The following SRL variants were observed in gnomAD, a reference collection of about 807,000 sequenced individuals.
The protein encoded by SRL is sarcalumenin.
In SRL, 23 loss-of-function variants were observed where a neutral mutation model predicts 39.5. The observed-to-expected ratio is 0.58, with a 90% CI of 0.42 to 0.82. The LOEUF (loss-of-function observed/expected upper bound fraction) is 0.82, where lower values mean the gene tolerates loss of function less well. SRL is among the 40% of genes least tolerant of loss of function. The probability of loss-of-function intolerance (pLI) is 0.00; values close to 1 mark genes in which losing one functional copy is unlikely to be tolerated. For missense variants in SRL, 592 were observed against 607.8 expected, an observed-to-expected ratio of 0.97 and a Z score of 0.27; for synonymous variants, 272 against 237.4, an observed-to-expected ratio of 1.15 and a Z score of -1.34.
At chr16:4,207,040 C>T (rs527672233) in intron 1 of SRL, 18 of 452,610 alleles carry the variant, frequency 4.0e-5, no homozygotes, top group African/African-American at 2.0e-4. Flanking sequence ...TGGGACTCCT[C>T]GGCTTCCTGC....
intron 1 of SRL, among the ~76,000 whole-genome samples, chr16:4,229,390 C>A (rs1456061507): frequency 2.0e-5 from 3 of 151,942 alleles, no homozygotes; most frequent in African/African-American, 7.3e-5. Context: ...GCGGAGCTTG[C>A]AGTGAGCCAA....
intron 3 of SRL, among the ~76,000 whole-genome samples, chr16:4,199,695 T>TC (rs1567175614): frequency 1.5e-5 from 2 of 133,968 alleles, no homozygotes; most frequent in Non-Finnish European, 3.2e-5. Context: ...TTCTTTTCCT[T>TC]TTTTTTTTTT....
At chr16:4,203,886 C>T (rs1044451574) in intron 2 of SRL, among the ~76,000 whole-genome samples, 2 of 152,232 alleles carry the variant, frequency 1.3e-5, no homozygotes, top group Non-Finnish European at 2.9e-5. Context: ...AGAACAGCAC[C>T]CTGGCCCTGG....
At chr16:4,213,998 T>C (rs879647610) in intron 1 of SRL, among the ~76,000 whole-genome samples, 4 of 152,158 alleles carry the variant, frequency 2.6e-5, no homozygotes, top group African/African-American at 4.8e-5. Flanking sequence ...GCTGAGCTGT[T>C]CAAGCCCAGA....
rs1215626871 is a variant in SRL at position 4,192,603 on chromosome 16, G to A, written c.972C>T (p.Asn324=). 6 of 1,614,172 alleles carry A rather than the reference G, an allele frequency of 3.7e-6. No individual in the cohort carries two copies. The highest frequency in any genetic ancestry group is 2.2e-5 in the South Asian group (2 of 91,082). ...TGAAGGCAATCTTGTTCTCCAGTCTGTTCTCGATCACCTGATTCAGGTCTT... is the reference window on the plus strand; with the variant it reads ...TGAAGGCAATCTTGTTCTCCAGTCTATTCTCGATCACCTGATTCAGGTCTT... ...LLEDLNQVIE[N]RLENKIAFIR... Residue 324 remains asparagine, a synonymous_variant, in exon 6 of 6, where the codon AAC becomes AAT. Transcript: ENST00000399609. The surrounding 1 kb of genome is among the most constrained non-coding windows in gnomAD (Gnocchi z 4.0).
At chr16:4,202,462 A>G (rs7201495) in intron 3 of SRL, among the ~76,000 whole-genome samples, 29,828 of 151,898 alleles carry the variant, frequency 0.2, 3,497 homozygotes, top group African/African-American at 0.32. Context: ...GCGTGGTGGC[A>G]GGTGCCTGTA....
intron 1 of SRL, among the ~76,000 whole-genome samples, chr16:4,220,309 A>ACACACACACACACACACAC (rs1567185106): frequency 3.3e-5 from 5 of 151,134 alleles, no homozygotes; most frequent in South Asian, 2.1e-4. Context: ...ACACACACAC[A>ACACACACACACACACACAC]AATAACCGGG....
At chr16:4,219,876 A>G (rs144430223) in intron 1 of SRL, among the ~76,000 whole-genome samples, 2 of 152,026 alleles carry the variant, frequency 1.3e-5, no homozygotes, top group African/African-American at 2.4e-5. Context: ...CATCACCACC[A>G]AGAGACAAAG....
chr16:4,224,608 G>T (rs1299920834), intron 1 of SRL, among the ~76,000 whole-genome samples: 1 of 152,122 alleles, frequency 6.6e-6, no homozygotes, highest in Non-Finnish European at 1.5e-5. Flanking sequence ...CTACTCAGGA[G>T]GCTGAGGCGG....
At chr16:4,217,669 C>A (rs946194384) in intron 1 of SRL, among the ~76,000 whole-genome samples, 3 of 152,224 alleles carry the variant, frequency 2.0e-5, no homozygotes, top group Admixed American at 2.0e-4. Flanking sequence ...ATGTAGATAA[C>A]AATACCTGCT....
At chr16:4,199,677 ATCT>A (rs1189194107) in intron 3 of SRL, among the ~76,000 whole-genome samples, 4 of 125,794 alleles carry the variant, frequency 3.2e-5, no homozygotes, top group African/African-American at 1.3e-4. Context: ...GCCCCTCCCC[ATCT>A]TCTTTTCTTT....
intron 1 of SRL, among the ~76,000 whole-genome samples, chr16:4,204,896 A>C (rs1200234172): frequency 6.6e-6 from 1 of 152,208 alleles, no homozygotes; most frequent in Admixed American, 6.5e-5. Context: ...TCATATATTC[A>C]ACAAATATGC....
intron 1 of SRL, among the ~76,000 whole-genome samples, chr16:4,221,987 T>C (rs1452678281): frequency 4.6e-5 from 7 of 152,184 alleles, no homozygotes; most frequent in African/African-American, 1.7e-4. Context: ...CTTAACTAAC[T>C]ACATCTGCAA....
At chr16:4,218,441 A>G (rs1458045744) in intron 1 of SRL, among the ~76,000 whole-genome samples, 1 of 152,152 alleles carries the variant, frequency 6.6e-6, no homozygotes, top group African/African-American at 2.4e-5. Context: ...CACTGGGAGT[A>G]AGACAATCAG....
rs55891629 is a variant in SRL, at chr16:4,191,654, T to C, written c.*499A>G. The C allele has an allele frequency of 0.021, 3,211 of 155,872 alleles. 95 individuals carry two copies. The highest frequency in any genetic ancestry group is 0.071 in the African/African-American group (2,941 of 41,606). 9.7% of individuals were successfully genotyped at this position (155,872 alleles called of 1,614,324 possible). ...CCAGGTATATTCAGACCCAAGAGAC[T>C]ATTCACTGTTGAAAGTCAACCCAAA... is the stretch of plus-strand genomic sequence containing the variant. On this transcript the variant is annotated 3_prime_UTR_variant, in exon 6 of 6. Coordinates refer to ENST00000399609, the MANE Select transcript of SRL (RefSeq NM_001098814.2).
intron 1 of SRL, among the ~76,000 whole-genome samples, 188 bp from the exon 2 acceptor site, chr16:4,204,822 G>C (rs2052298054): frequency 6.6e-6 from 1 of 152,230 alleles, no homozygotes; most frequent in Admixed American, 6.5e-5. Context: ...TCCATGTGTA[G>C]TGTATTCGCA....
intron 1 of SRL, among the ~76,000 whole-genome samples, chr16:4,224,830 G>A (rs2052569401): frequency 1.3e-5 from 2 of 152,164 alleles, no homozygotes; most frequent in African/African-American, 4.8e-5. Context: ...GCCAAAAGGT[G>A]GAAACAGCCC....
At position 4,192,128 on chromosome 16, in the gene SRL, A is replaced by G; in HGVS notation, c.*25T>C. ...TTAGGACACAAGCTGATTCACCAAC[A>G]GGAACCCAAGGACCGCTCCACCACC... On this transcript the variant is annotated 3_prime_UTR_variant, in exon 6 of 6. Coordinates refer to ENST00000399609, the MANE Select transcript of SRL (RefSeq NM_001098814.2). The surrounding 1 kb of genome is among the most constrained non-coding windows in gnomAD (Gnocchi z 4.0). The G allele has an allele frequency of 6.5e-7, 1 of 1,527,762 alleles. No homozygotes were observed. Among genetic ancestry groups the G allele is most frequent in the Non-Finnish European group, 8.8e-7 (1 of 1,141,752 alleles). The allele number at this position is 1,527,762 out of a possible 1,614,324, so 94.6% of individuals were successfully genotyped here.
intron 1 of SRL, among the ~76,000 whole-genome samples, chr16:4,227,320 C>T (rs977695099): frequency 1.4e-5 from 2 of 138,208 alleles, no homozygotes; most frequent in Non-Finnish European, 3.1e-5. Context: ...TGGGTGGATG[C>T]ATGGATAGAT....
Sources: gnomAD v4.1 joint callset for allele counts (sites outside exome capture counted in the v4.1 genomes callset) on GRCh38, gnomAD v4.1.1 for gene constraint, Gnocchi (gnomAD v3.1) non-coding constraint, MANE v1.5 for transcripts, NCBI Gene and HGNC (gene_info 2026-07-23, HGNC 2026-07-21) for gene names.